ARHGEF28: variants seen among roughly 807,000 people sequenced by gnomAD.
ARHGEF28 encodes the protein Rho guanine nucleotide exchange factor 28, also known as 190 kDa guanine nucleotide exchange factor.
In ARHGEF28, 152 loss-of-function variants were observed where a neutral mutation model predicts 206.6. The observed-to-expected ratio is 0.74, with a 90% CI of 0.64 to 0.84. ARHGEF28 has a LOEUF of 0.84. Ranked by LOEUF, ARHGEF28 falls within the 40% of genes least tolerant of loss-of-function variation. The pLI, the probability that ARHGEF28 is intolerant of heterozygous loss-of-function variation, is 0.00. For synonymous variants in ARHGEF28, 763 were observed against 776.4 expected (o/e 0.98, Z 0.29); for missense variants, 2,028 against 2,073.2 (o/e 0.98, Z 0.42).
chr5:73,933,009 A>G (rs1393214052), intron 35 of ARHGEF28, among the ~76,000 whole-genome samples: 1 of 151,228 alleles, frequency 6.6e-6, no homozygotes, highest in Non-Finnish European at 1.5e-5. Context: ...ACGGGGTTTC[A>G]CCGTGTTAGC....
At chr5:73,738,240 G>A (rs775589266) in intron 2 of ARHGEF28, among the ~76,000 whole-genome samples, 2 of 152,260 alleles carry the variant, frequency 1.3e-5, no homozygotes, top group African/African-American at 4.8e-5. Flanking sequence ...AAAGGTATTC[G>A]ATGGAAGGTG....
intron 2 of ARHGEF28, among the ~76,000 whole-genome samples, chr5:73,698,651 T>C (rs1256025465): frequency 2.0e-5 from 3 of 151,998 alleles, no homozygotes; most frequent in Non-Finnish European, 2.9e-5. Flanking sequence ...AATTCGCTAC[T>C]GGGGAGGCAA....
rs117376523 is a variant in ARHGEF28, at chr5:73,913,199, C to T, written c.4948+1624C>T. On this transcript the variant is annotated intron_variant, in intron 35 of 35. Transcript: ENST00000513042. ...TTGTATGTCCAGAGTAGGCCAAGGA[C>T]GCTCAGGACATTGACAGGAGAGAAG... Among the ~76,000 whole-genome samples the T allele has an allele frequency of 2.7e-4, 41 of 152,266 alleles. No individual in the cohort carries two copies. In the East Asian group the frequency reaches 3.7e-3, roughly 14 times the overall value.
chr5:73,884,159 T>G (rs975418596), intron 24 of ARHGEF28, among the ~76,000 whole-genome samples: 1 of 152,188 alleles, frequency 6.6e-6, no homozygotes, highest in Admixed American at 6.5e-5. Flanking sequence ...TCCCCACCAC[T>G]GGGCTTTCTT....
intron 4 of ARHGEF28, among the ~76,000 whole-genome samples, chr5:73,773,429 A>G (rs73116600): frequency 0.07 from 10,667 of 152,242 alleles, 803 homozygotes; most frequent in African/African-American, 0.19. Flanking sequence ...TGGAAACGGA[A>G]GTCCCTCTAC....
At chr5:73,719,590 C>T (rs1749803700) in intron 2 of ARHGEF28, among the ~76,000 whole-genome samples, 1 of 152,152 alleles carries the variant, frequency 6.6e-6, no homozygotes, top group Non-Finnish European at 1.5e-5. Flanking sequence ...TCACTTCCAG[C>T]CCCAAGAGCC....
At chr5:73,804,082 C>CAAAA (rs35722039) in intron 9 of ARHGEF28, among the ~76,000 whole-genome samples, 1,623 of 63,280 alleles carry the variant, frequency 0.026, 55 homozygotes, top group African/African-American at 0.081. Flanking sequence ...GAGACCCTGT[C>CAAAA]AAAAAAAAAA....
chr5:73,781,950 G>GA, intron 7 of ARHGEF28, among the ~76,000 whole-genome samples: 1 of 152,190 alleles, frequency 6.6e-6, no homozygotes, highest in East Asian at 1.9e-4. Context: ...ATAGGGTTGA[G>GA]AACCACCAAG....
At chr5:73,857,823 T>A in intron 15 of ARHGEF28, 44 bp downstream of exon 15, 1 of 1,573,240 alleles carries the variant, frequency 6.4e-7, no homozygotes. Flanking sequence ...TATAGACATT[T>A]TAGTTTCTCA....
intron 23 of ARHGEF28, 122 bp from the exon 24 acceptor site, chr5:73,883,645 A>G: frequency 7.7e-6 from 4 of 517,688 alleles, no homozygotes; most frequent in Non-Finnish European, 1.3e-5. Context: ...GTTTTAATTG[A>G]TAGCAATGAA....
chr5:73,640,485 C>T (rs1744005224), intron 1 of ARHGEF28, among the ~76,000 whole-genome samples: 1 of 152,050 alleles, frequency 6.6e-6, no homozygotes, highest in Admixed American at 6.6e-5. Flanking sequence ...TCTGTTTAAG[C>T]CAAACTTTCT....
At chr5:73,925,518 A>G (rs2111992646) in intron 35 of ARHGEF28, among the ~76,000 whole-genome samples, 1 of 152,260 alleles carries the variant, frequency 6.6e-6, no homozygotes, top group African/African-American at 2.4e-5. Context: ...ACATAGGGGG[A>G]AATGCTCAGA....
chr5:73,884,751 T>C (rs2112670064), intron 24 of ARHGEF28, among the ~76,000 whole-genome samples: 2 of 122,500 alleles, frequency 1.6e-5, no homozygotes, highest in Middle Eastern at 4.1e-3. Flanking sequence ...TTAATAAACA[T>C]CAACTAGGTG....
chr5:73,814,469 C>T (rs1251594119), intron 9 of ARHGEF28, among the ~76,000 whole-genome samples: 1 of 152,034 alleles, frequency 6.6e-6, no homozygotes, highest in Non-Finnish European at 1.5e-5. Flanking sequence ...GTTATCCCAT[C>T]CTCGGCTGGG....
chr5:73,680,068 T>G (rs1746965835), intron 1 of ARHGEF28, among the ~76,000 whole-genome samples: 1 of 152,188 alleles, frequency 6.6e-6, no homozygotes, highest in Admixed American at 6.5e-5. Context: ...TTTTTAAAAC[T>G]TCTTATAAGA....
chr5:73,730,799 G>C (rs1000388697), intron 2 of ARHGEF28, among the ~76,000 whole-genome samples: 2 of 152,056 alleles, frequency 1.3e-5, no homozygotes, highest in African/African-American at 4.8e-5. Flanking sequence ...TTTTAGATTT[G>C]AAAATGAAAA....
intron 4 of ARHGEF28, among the ~76,000 whole-genome samples, chr5:73,763,310 C>T (rs992554087): frequency 7.9e-5 from 12 of 152,284 alleles, no homozygotes; most frequent in African/African-American, 2.9e-4. Context: ...TCCATTGAAG[C>T]TGTAGCTCAT....
intron 4 of ARHGEF28, among the ~76,000 whole-genome samples, chr5:73,769,894 A>G (rs1207366874): frequency 2.6e-5 from 4 of 152,236 alleles, no homozygotes; most frequent in African/African-American, 4.8e-5. Flanking sequence ...TTTCCCATAT[A>G]TTCCCTGCCC....
chr5:73,810,953 A>G (rs999845140), intron 9 of ARHGEF28, among the ~76,000 whole-genome samples: 1 of 152,222 alleles, frequency 6.6e-6, no homozygotes, highest in African/African-American at 2.4e-5. Context: ...TAAGAAGTAT[A>G]GTATTCCTAT....
Sources: gnomAD v4.1 joint callset for allele counts (sites outside exome capture counted in the v4.1 genomes callset) on GRCh38, gnomAD v4.1.1 for gene constraint, MANE v1.5 for transcripts, NCBI Gene and HGNC (gene_info 2026-07-23, HGNC 2026-07-21) for gene names.